TENM3: variants seen among roughly 807,000 people sequenced by gnomAD.
The protein encoded by TENM3 is teneurin transmembrane protein 3.
A neutral mutation model predicts 255.1 loss-of-function variants in TENM3; 63 were observed. The observed-to-expected ratio is 0.25, with a 90% CI of 0.20 to 0.30. TENM3 has a LOEUF of 0.30. TENM3 is among the 10% of genes least tolerant of loss of function. The probability of loss-of-function intolerance (pLI) is 1.00; values close to 1 mark genes in which losing one functional copy is unlikely to be tolerated. For synonymous variants in TENM3, 1,306 were observed against 1,322.3 expected, an observed-to-expected ratio of 0.99 and a Z score of 0.27; for missense variants, 2,929 against 3,461.1, an observed-to-expected ratio of 0.85 and a Z score of 3.86.
At chr4:181,668,039 T>C in the TENM3 span, among the ~76,000 whole-genome samples, 1 of 152,320 alleles carries the variant, frequency 6.6e-6, no homozygotes, top group Admixed American at 6.5e-5. Context: ...ATAAGCACCA[T>C]GAAGGCAAGA....
At chr4:182,374,053 T>G (rs1204434777) in intron 3 of TENM3, among the ~76,000 whole-genome samples, 1 of 152,180 alleles carries the variant, frequency 6.6e-6, no homozygotes, top group East Asian at 1.9e-4. Context: ...TATATATGTA[T>G]ATTTAGAAGT....
intron 3 of TENM3, among the ~76,000 whole-genome samples, chr4:182,555,436 T>C (rs1742486610): frequency 6.6e-6 from 1 of 152,200 alleles, no homozygotes; most frequent in Non-Finnish European, 1.5e-5. Flanking sequence ...TAGCAGTGGA[T>C]GCTTTAAAAT....
the TENM3 span, among the ~76,000 whole-genome samples, chr4:181,516,379 A>AAG: frequency 2.0e-5 from 3 of 151,514 alleles, no homozygotes; most frequent in South Asian, 4.2e-4. Flanking sequence ...AAAAAAAAAA[A>AAG]AAAGAAAGAA....
the TENM3 span, among the ~76,000 whole-genome samples, chr4:181,922,113 A>T: frequency 6.6e-6 from 1 of 152,042 alleles, no homozygotes; most frequent in Non-Finnish European, 1.5e-5. Context: ...AAGCTTTTTG[A>T]TGTGCTGCTG....
intron 1 of TENM3, among the ~76,000 whole-genome samples, chr4:182,205,872 G>A (rs1170077408): frequency 2.0e-5 from 3 of 152,020 alleles, no homozygotes; most frequent in African/African-American, 7.3e-5. Context: ...AAGTGCATTC[G>A]ACAGAATATG....
chr4:181,605,183 CG>C, the TENM3 span, among the ~76,000 whole-genome samples: 2 of 151,834 alleles, frequency 1.3e-5, no homozygotes, highest in African/African-American at 2.4e-5. Flanking sequence ...TGGTGGCTCA[CG>C]CCTCTAACTC....
the TENM3 span, among the ~76,000 whole-genome samples, chr4:181,607,797 CTT>C: frequency 7.2e-5 from 11 of 152,166 alleles, no homozygotes; most frequent in African/African-American, 2.7e-4. Context: ...CACATCAAAA[CTT>C]TTCAAGCCAA....
the TENM3 span, among the ~76,000 whole-genome samples, chr4:182,060,615 C>T: frequency 1.2e-4 from 18 of 152,140 alleles, no homozygotes; most frequent in Admixed American, 2.6e-4. Flanking sequence ...TGAAGACCCC[C>T]GGTCTATGGG....
chr4:182,326,110 C>A (rs1351290763), intron 2 of TENM3, among the ~76,000 whole-genome samples: 1 of 152,212 alleles, frequency 6.6e-6, no homozygotes, highest in Admixed American at 6.5e-5. Context: ...GCCAGGCGGC[C>A]AGGGAGGCCT....
At chr4:181,966,679 AATTTGAAGAC>A in the TENM3 span, among the ~76,000 whole-genome samples, 7 of 152,214 alleles carry the variant, frequency 4.6e-5, no homozygotes, top group East Asian at 1.3e-3. Flanking sequence ...TTTCAGATGT[AATTTGAAGAC>A]ATTGTGGACT....
chr4:181,796,060 A>G, the TENM3 span, among the ~76,000 whole-genome samples: 3 of 152,184 alleles, frequency 2.0e-5, no homozygotes, highest in African/African-American at 7.2e-5. Context: ...GCTACAGAAT[A>G]AACAGTGGCA....
At chr4:182,100,179 A>G in the TENM3 span, among the ~76,000 whole-genome samples, 1 of 151,762 alleles carries the variant, frequency 6.6e-6, no homozygotes, top group South Asian at 2.1e-4. Flanking sequence ...ATTTGACCCC[A>G]TGTTTGCAGA....
intron 1 of TENM3, among the ~76,000 whole-genome samples, chr4:182,255,129 G>A (rs1171355549): frequency 1.3e-5 from 2 of 152,132 alleles, no homozygotes; most frequent in African/African-American, 2.4e-5. Context: ...AAATTTTAGA[G>A]CTTAATTTTT....
At chr4:181,599,380 G>A in the TENM3 span, among the ~76,000 whole-genome samples, 13 of 152,158 alleles carry the variant, frequency 8.5e-5, no homozygotes, top group South Asian at 2.1e-4. Flanking sequence ...ACACTGTAAC[G>A]TCGATGGTTA....
the TENM3 span, among the ~76,000 whole-genome samples, chr4:182,118,163 T>C: frequency 2.6e-5 from 4 of 152,112 alleles, no homozygotes; most frequent in Admixed American, 6.5e-5. Context: ...TAATTACTTA[T>C]TAATTCCAGG....
intron 3 of TENM3, among the ~76,000 whole-genome samples, chr4:182,371,464 C>T (rs1766809272): frequency 6.6e-6 from 1 of 152,124 alleles, no homozygotes; most frequent in Admixed American, 6.5e-5. Context: ...TTCAATCTGA[C>T]CTAAGCCTCA....
rs6552576 is a variant in TENM3, at chr4:182,576,868, C to T, written c.512-24056C>T. 7.5e-3 allele frequency among the ~76,000 whole-genome samples: 1,143 copies of T among 152,312 alleles called. 3 individuals carry two copies. The highest frequency in any genetic ancestry group is 0.012 in the Non-Finnish European group (834 of 68,016). On this transcript the variant is annotated intron_variant, in intron 3 of 27. Transcript: ENST00000511685. The stretch of plus-strand genomic sequence containing the variant: ...CATGTATTTGCTTAAAACCATTCCA[C>T]AGCTCTCTTTGGCTAATAGGATAAT...
At chr4:182,176,813 T>G (rs2149718102) in intron 1 of TENM3, among the ~76,000 whole-genome samples, 1 of 143,880 alleles carries the variant, frequency 7.0e-6, no homozygotes, top group African/African-American at 2.6e-5. Flanking sequence ...TAAATTAGCA[T>G]CCGGCTAATT....
At chr4:182,697,406 T>C (rs1486918424) in intron 12 of TENM3, among the ~76,000 whole-genome samples, 2 of 152,118 alleles carry the variant, frequency 1.3e-5, no homozygotes, top group Non-Finnish European at 2.9e-5. Context: ...ACTGACCTGA[T>C]TGGCGCTGAA....
Sources: gnomAD v4.1 joint callset for allele counts (sites outside exome capture counted in the v4.1 genomes callset) on GRCh38, gnomAD v4.1.1 for gene constraint, MANE v1.5 for transcripts, NCBI Gene and HGNC (gene_info 2026-07-23, HGNC 2026-07-21) for gene names.